Variants in THRAP3 observed in about 807,000 individuals in gnomAD.
THRAP3 encodes thyroid hormone receptor associated protein 3.
A neutral mutation model predicts 101.0 loss-of-function variants in THRAP3; 16 were observed. The ratio of observed to expected loss-of-function variants is 0.16; its 90% CI spans 0.11 to 0.24. THRAP3 has a LOEUF of 0.24. Ranked by LOEUF, THRAP3 falls within the 10% of genes least tolerant of loss-of-function variation. The pLI, the probability that THRAP3 is intolerant of heterozygous loss-of-function variation, is 1.00. For missense variants in THRAP3, 989 were observed against 1,202.7 expected, an observed-to-expected ratio of 0.82 and a Z score of 2.63; for synonymous variants, 407 against 422.6, an observed-to-expected ratio of 0.96 and a Z score of 0.45.
chr1:36,255,504 C>T (rs1645361628), intron 1 of THRAP3, among the ~76,000 whole-genome samples: 1 of 151,170 alleles, frequency 6.6e-6, no homozygotes, highest in Non-Finnish European at 1.5e-5. Flanking sequence ...CGCGGTGGCT[C>T]ATGCCTGTAA....
At chr1:36,241,382 G>GGTGT (rs1409659953) in intron 1 of THRAP3, among the ~76,000 whole-genome samples, 2 of 16,654 alleles carry the variant, frequency 1.2e-4, no homozygotes, top group African/African-American at 2.4e-4. Flanking sequence ...AATGATAATG[G>GGTGT]GTGTATATAT....
chr1:36,245,312 C>T (rs1321160513), intron 1 of THRAP3, among the ~76,000 whole-genome samples: 1 of 151,632 alleles, frequency 6.6e-6, no homozygotes, highest in East Asian at 2.0e-4. Flanking sequence ...GATTACAGGC[C>T]TGCGCCATCA....
At chr1:36,280,288 A>T (rs910198758) in intron 2 of THRAP3, among the ~76,000 whole-genome samples, 12 of 152,240 alleles carry the variant, frequency 7.9e-5, no homozygotes, top group Admixed American at 7.9e-4. Flanking sequence ...AGCATTTGCT[A>T]TTCTGGGCGT....
At chr1:36,282,470 C>G in intron 2 of THRAP3, 63 bp from the exon 3 acceptor site, 1 of 1,199,774 alleles carries the variant, frequency 8.3e-7, no homozygotes, top group Non-Finnish European at 1.2e-6. Flanking sequence ...TCTAAAATGT[C>G]CAAAGAGGTT....
chr1:36,277,054 C>T (rs949256105), intron 2 of THRAP3, among the ~76,000 whole-genome samples: 11 of 151,162 alleles, frequency 7.3e-5, no homozygotes, highest in African/African-American at 2.4e-4. Context: ...CTGCAACCTC[C>T]GCCTCCCAGG....
Position 36,291,374 on chromosome 1 carries a change from A to G in THRAP3, c.1746A>G (p.Arg582=). The change falls in exon 6 of 12, where the codon CGA becomes CGG. Residue 582 remains arginine (R), a splice_region_variant and synonymous_variant. Transcript: ENST00000354618. ...GGGCCTCCCCATATTTCTTTTTCAG[A>G]CCCAGTGGCTTATTGGCTCAGGAAC... The part of the protein sequence containing the change: ...RMDSFDEDLA[R]PSGLLAQERK... The G allele has an allele frequency of 1.2e-6, 2 of 1,612,904 alleles. No homozygotes were observed. Among genetic ancestry groups the G allele is most frequent in the Non-Finnish European group, 1.7e-6 (2 of 1,179,674 alleles).
At position 36,290,684 on chromosome 1, in the gene THRAP3, T is replaced by G. The variant is rs528533338; in HGVS notation, c.1746-690T>G. Among the ~76,000 whole-genome samples the G allele has an allele frequency of 5.3e-5, 8 of 152,254 alleles. No individual in the cohort carries two copies. The East Asian group carries it at 1.4e-3, about 26-fold the overall frequency. ...TTACACCATGTTGGCCAGGCTGATC[T>G]TGAACCCCTGACTTCAGGTGATCTG... On this transcript the variant is annotated intron_variant, in intron 5 of 11. Transcript: ENST00000354618.
intron 1 of THRAP3, among the ~76,000 whole-genome samples, chr1:36,241,577 ATTT>A (rs562173564): frequency 1.5e-5 from 2 of 133,466 alleles, no homozygotes. Context: ...ATCCGCTAAA[ATTT>A]TTTTTTTTTT....
upstream of THRAP3, among the ~76,000 whole-genome samples, chr1:36,222,375 T>C (rs1335024514): frequency 3.9e-5 from 6 of 152,204 alleles, no homozygotes; most frequent in Non-Finnish European, 5.9e-5. Flanking sequence ...GAACTGAACC[T>C]GCAATATTTG....
the THRAP3 span, among the ~76,000 whole-genome samples, chr1:36,210,458 G>C: frequency 6.7e-6 from 1 of 149,516 alleles, no homozygotes; most frequent in Admixed American, 6.8e-5. Context: ...GGAGGCCGAG[G>C]TGGGCAGATT....
rs1452463195 is a variant in THRAP3, at chr1:36,256,219, G to GTTA, written c.-134-3147_-134-3145dup. Among the ~76,000 whole-genome samples the GTTA allele has an allele frequency of 8.7e-5, 6 of 69,154 alleles. 1 individual carries two copies. The South Asian group carries it at 1.3e-3, about 15-fold the overall frequency. 45.4% of individuals were successfully genotyped at this position (69,154 alleles called of 152,430 possible). ...TATTATTATTATTATTGTTATTATT[G>GTTA]TTATTATTATTATTATTACTTTTTG... On this transcript the variant is annotated intron_variant, in intron 1 of 11. Coordinates refer to ENST00000354618, the MANE Select transcript of THRAP3 (RefSeq NM_005119.4).
chr1:36,253,781 G>GTTTTTTTTTTTTTTTTTTTTTTTTTTTTT (rs1353553825), intron 1 of THRAP3, among the ~76,000 whole-genome samples: 66 of 35,120 alleles, frequency 1.9e-3, no homozygotes, highest in Middle Eastern at 0.016. Context: ...TTTTTTTTTA[G>GTTTTTTTTTTTTTTTTTTTTTTTTTTTTT]TTTTTGTAGA....
rs985276952 is a variant in THRAP3, at chr1:36,258,335, G to A, written c.-134-1047G>A. On this transcript the variant is annotated intron_variant, in intron 1 of 11. Coordinates refer to ENST00000354618, the MANE Select transcript of THRAP3 (RefSeq NM_005119.4). ...GAATTAGAAGAATACATAGCGAGAA[G>A]ACATGAAAAAGTATTTTGAGTGAGT... Among the ~76,000 whole-genome samples, 3 of 152,154 alleles carry A rather than the reference G, an allele frequency of 2.0e-5. No individual in the cohort carries two copies. In the South Asian group the frequency reaches 6.2e-4, roughly 32 times the overall value.
chr1:36,282,394 AAATT>A, intron 2 of THRAP3, 135 bp from the exon 3 acceptor site: 1 of 633,164 alleles, frequency 1.6e-6, no homozygotes, highest in Non-Finnish European at 2.6e-6. Context: ...AATTAAAAAA[AAATT>A]TTTTTTTTTT....
chr1:36,293,640 C>CTGTGTGTGTG (rs577292328), intron 7 of THRAP3, among the ~76,000 whole-genome samples: 18,476 of 133,230 alleles, frequency 0.14, 1,695 homozygotes, highest in East Asian at 0.33. Context: ...GAACCTGGGA[C>CTGTGTGTGTG]TGTGTGTGTG....
At chr1:36,278,056 G>A (rs1044251732) in intron 2 of THRAP3, among the ~76,000 whole-genome samples, 4 of 131,954 alleles carry the variant, frequency 3.0e-5, no homozygotes, top group East Asian at 2.1e-4. Flanking sequence ...CGTGAGCCCA[G>A]CCCCCCTTTT....
chr1:36,259,785 A>T (rs1451650899), intron 2 of THRAP3, among the ~76,000 whole-genome samples: 1 of 151,812 alleles, frequency 6.6e-6, no homozygotes, highest in Non-Finnish European at 1.5e-5. Context: ...AAAGAAAAGA[A>T]AAAGAATTGA....
At position 36,296,680 on chromosome 1, in the gene THRAP3, G is replaced by T; in HGVS notation, c.2213G>T (p.Arg738Ile). The T allele has an allele frequency of 1.9e-6, 3 of 1,611,112 alleles. No individual in the cohort carries two copies. The highest frequency in any genetic ancestry group is 2.5e-6 in the Non-Finnish European group (3 of 1,179,326). The change falls in exon 9 of 12, where the codon AGA becomes ATA. Residue 738 changes from arginine (R) to isoleucine (I), a missense_variant. Coordinates refer to ENST00000354618, the MANE Select transcript of THRAP3 (RefSeq NM_005119.4). The stretch of plus-strand genomic sequence containing the variant: ...AGAGATCTTAAACGAGGTAAATCGA[G>T]AGAATCAGTGGATTCCCGAGACTCC... ...KERDLKRGKS[R>I]ESVDSRDSSH...
At chr1:36,279,921 A>G (rs995622385) in intron 2 of THRAP3, among the ~76,000 whole-genome samples, 20 of 152,350 alleles carry the variant, frequency 1.3e-4, no homozygotes, top group African/African-American at 4.8e-4. Context: ...CATTGGTTCC[A>G]TAAGTTCGTT....
Sources: allele counts gnomAD v4.1 joint callset (sites outside exome capture counted in the v4.1 genomes callset), GRCh38; gene constraint gnomAD v4.1.1; transcripts MANE v1.5; gene names NCBI Gene and HGNC (gene_info 2026-07-23, HGNC 2026-07-21).